Variants in CDKAL1 observed in about 807,000 individuals in gnomAD.
The protein encoded by CDKAL1 is CDKAL1 threonylcarbamoyladenosine tRNA methylthiotransferase, also known as threonylcarbamoyladenosine tRNA methylthiotransferase.
CDKAL1 carries 32 observed loss-of-function variants against 68.2 expected under a neutral mutation model. The observed-to-expected ratio is 0.47, with a 90% CI of 0.35 to 0.63. The LOEUF (loss-of-function observed/expected upper bound fraction) is 0.63, where lower values mean the gene tolerates loss of function less well. Ranked by LOEUF, CDKAL1 falls within the 30% of genes least tolerant of loss-of-function variation. The probability of loss-of-function intolerance (pLI) is 0.00; values close to 1 mark genes in which losing one functional copy is unlikely to be tolerated. For missense variants in CDKAL1, 606 were observed against 696.7 expected (o/e 0.87, Z 1.47); for synonymous variants, 234 against 244.3 (o/e 0.96, Z 0.39).
chr6:20,714,378 CTTTTT>C (rs545162371), intron 5 of CDKAL1, among the ~76,000 whole-genome samples: 142 of 72,680 alleles, frequency 2.0e-3, no homozygotes, highest in African/African-American at 3.0e-3. Context: ...ATTGTCTGTT[CTTTTT>C]TTTTTTTTTT....
In CDKAL1 at chr6:20,546,367, G is replaced by T; in HGVS notation, c.17G>T (p.Cys6Phe). The T allele has an allele frequency of 6.2e-7, 1 of 1,613,206 alleles. No homozygotes were observed. The highest frequency in any genetic ancestry group is 8.5e-7 in the Non-Finnish European group (1 of 1,179,494). MPSASCDTLLDDIEDI... is the reference protein window; with the variant it reads MPSASFDTLLDDIEDI... ...GTAGAGAATATGCCTTCTGCATCCTGTGATACACTACTGGATGACATCGAA... is the reference window on the plus strand; with the variant it reads ...GTAGAGAATATGCCTTCTGCATCCTTTGATACACTACTGGATGACATCGAA... Residue 6 changes from cysteine to phenylalanine, a missense_variant, in exon 3 of 16, where the codon TGT becomes TTT. Cys to Phe is a radical substitution (Grantham distance 205, BLOSUM62 -2). Coordinates refer to ENST00000274695, the MANE Select transcript of CDKAL1 (RefSeq NM_017774.3).
In CDKAL1 at chr6:20,953,067, C is replaced by A. The variant is rs143978082; in HGVS notation, c.743-2352C>A. ...GGGTTTCATTTTGCTCATGCTCTTT[C>A]GTTCCATTGTGTTTTAAACCAGGTT... On this transcript the variant is annotated intron_variant, in intron 9 of 15. Coordinates refer to ENST00000274695, the MANE Select transcript of CDKAL1 (RefSeq NM_017774.3). 1.7e-3 allele frequency among the ~76,000 whole-genome samples: 254 copies of A among 152,318 alleles called. 3 individuals carry two copies. The highest frequency in any genetic ancestry group is 1.4e-3 in the Non-Finnish European group (92 of 68,010).
At chr6:21,154,234 A>G (rs1241444940) in intron 13 of CDKAL1, among the ~76,000 whole-genome samples, 3 of 152,200 alleles carry the variant, frequency 2.0e-5, no homozygotes, top group Admixed American at 6.5e-5. Flanking sequence ...CACACATATG[A>G]TAGAAGATTT....
At chr6:20,763,652 C>T (rs1774567308) in intron 7 of CDKAL1, among the ~76,000 whole-genome samples, 2 of 152,264 alleles carry the variant, frequency 1.3e-5, no homozygotes, top group Admixed American at 1.3e-4. Context: ...CTGTCACAGC[C>T]TGTTTGCATT....
intron 4 of CDKAL1, among the ~76,000 whole-genome samples, chr6:20,592,525 A>G (rs1351158014): frequency 1.3e-5 from 2 of 149,186 alleles, no homozygotes; most frequent in African/African-American, 5.0e-5. Context: ...CTGGAGTGCA[A>G]TGGTGCAATT....
intron 4 of CDKAL1, among the ~76,000 whole-genome samples, chr6:20,609,195 A>G (rs1271674271): frequency 6.6e-6 from 1 of 150,626 alleles, no homozygotes; most frequent in African/African-American, 2.4e-5. Context: ...TTCCACCTGG[A>G]CTCTTGGAGC....
intron 13 of CDKAL1, among the ~76,000 whole-genome samples, chr6:21,177,753 A>C (rs551434295): frequency 4.2e-4 from 64 of 152,058 alleles, no homozygotes; most frequent in Non-Finnish European, 7.9e-4. Flanking sequence ...AGGAAATTGA[A>C]GAATCATTAT....
intron 8 of CDKAL1, among the ~76,000 whole-genome samples, chr6:20,814,525 C>G (rs1166639998): frequency 6.6e-6 from 1 of 152,168 alleles, no homozygotes; most frequent in Non-Finnish European, 1.5e-5. Context: ...GGTGATCCAC[C>G]TGCGTCTGCC....
intron 5 of CDKAL1, among the ~76,000 whole-genome samples, chr6:20,659,736 T>G (rs541371161): frequency 1.3e-5 from 2 of 152,288 alleles, no homozygotes; most frequent in African/African-American, 4.8e-5. Flanking sequence ...ACACCTCAAA[T>G]CATCATGTCA....
At chr6:21,174,493 CA>C in intron 13 of CDKAL1, among the ~76,000 whole-genome samples, 1 of 152,034 alleles carries the variant, frequency 6.6e-6, no homozygotes, top group Middle Eastern at 3.4e-3. Context: ...GAAAAATGGA[CA>C]AAGAGATTCA....
chr6:21,163,964 A>G (rs9368284), intron 13 of CDKAL1, among the ~76,000 whole-genome samples: 19,425 of 151,888 alleles, frequency 0.13, 1,908 homozygotes, highest in East Asian at 0.35. Context: ...AAACAAAAAA[A>G]GAAAAGAAAA....
At chr6:21,200,730 T>A (rs2151108755) in intron 14 of CDKAL1, 1 of 160,342 alleles carries the variant, frequency 6.2e-6, no homozygotes, top group Non-Finnish European at 1.4e-5. Flanking sequence ...CATCCTGCAC[T>A]GGAAAAGCAC....
At chr6:20,558,513 A>T in intron 4 of CDKAL1, 1 of 456,556 alleles carries the variant, frequency 2.2e-6, no homozygotes, top group South Asian at 1.5e-5. Flanking sequence ...AACTAGACAG[A>T]CTCTTTTTGA....
intron 13 of CDKAL1, among the ~76,000 whole-genome samples, chr6:21,188,919 T>A (rs1287704824): frequency 2.0e-5 from 3 of 152,226 alleles, no homozygotes; most frequent in African/African-American, 7.2e-5. Context: ...CTTTTTGAAC[T>A]GGCAGTTTAG....
At chr6:20,966,056 A>G (rs73735039) in intron 10 of CDKAL1, among the ~76,000 whole-genome samples, 14,588 of 152,272 alleles carry the variant, frequency 0.096, 1,197 homozygotes, top group African/African-American at 0.23. Flanking sequence ...ATTTTACATC[A>G]GGTAGGTAAT....
intron 9 of CDKAL1, among the ~76,000 whole-genome samples, chr6:20,875,305 CAAAAAAAAAAAAAAAAA>C (rs58717424): frequency 2.8e-5 from 2 of 71,216 alleles, no homozygotes; most frequent in African/African-American, 1.2e-4. Context: ...GACTCCGTCT[CAAAAAAAAAAAAAAAAA>C]AAAAAAAAAG....
chr6:20,658,014 C>T lies in CDKAL1; in HGVS notation c.371+8637C>T, dbSNP rs978428327. Among the ~76,000 whole-genome samples the T allele has an allele frequency of 1.3e-4, 19 of 151,844 alleles. No individual in the cohort carries two copies. In the East Asian group the frequency reaches 3.7e-3, roughly 29 times the overall value. The stretch of plus-strand genomic sequence containing the variant: ...ATATGGCCTTTAACTTGGGGGGGTT[C>T]TTGAGTAAATAAAAAAGATCAAAAG... On this transcript the variant is annotated intron_variant, in intron 5 of 15. Coordinates refer to ENST00000274695, the MANE Select transcript of CDKAL1 (RefSeq NM_017774.3).
chr6:20,793,075 A>G (rs1775964466), intron 8 of CDKAL1, among the ~76,000 whole-genome samples: 1 of 152,116 alleles, frequency 6.6e-6, no homozygotes, highest in African/African-American at 2.4e-5. Context: ...ATTTGCCACT[A>G]TTGAGAATTC....
At chr6:20,777,612 C>T (rs1274877486) in intron 7 of CDKAL1, among the ~76,000 whole-genome samples, 1 of 152,086 alleles carries the variant, frequency 6.6e-6, no homozygotes, top group African/African-American at 2.4e-5. Flanking sequence ...GAGACCCTGT[C>T]TCATAGAAAA....
Sources: allele counts gnomAD v4.1 joint callset (sites outside exome capture counted in the v4.1 genomes callset), GRCh38; gene constraint gnomAD v4.1.1; transcripts MANE v1.5; gene names NCBI Gene and HGNC (gene_info 2026-07-23, HGNC 2026-07-21).